Variants in ACAP2 observed in about 807,000 individuals in gnomAD.
The protein encoded by ACAP2 is ArfGAP with coiled-coil, ankyrin repeat and PH domains 2, also known as arf-GAP with coiled-coil, ANK repeat and PH domain-containing protein 2.
Under a neutral mutation model 115.8 loss-of-function variants are expected in ACAP2, and 39 were observed. That is an observed-to-expected ratio of 0.34 (90% CI 0.26 to 0.44). ACAP2 has a LOEUF of 0.44. Among genes scored for constraint, ACAP2 ranks in the 20% least tolerant of loss-of-function variants. The pLI is 1.00. For synonymous variants in ACAP2, 289 were observed against 315.8 expected, an observed-to-expected ratio of 0.92 and a Z score of 0.90; for missense variants, 662 against 927.6, an observed-to-expected ratio of 0.71 and a Z score of 3.72.
chr3:195,331,824 T>G (rs1730187838), intron 8 of ACAP2, among the ~76,000 whole-genome samples: 1 of 152,212 alleles, frequency 6.6e-6, no homozygotes, highest in African/African-American at 2.4e-5. Flanking sequence ...AAAATTTGTA[T>G]GTATATGTAT....
intron 10 of ACAP2, among the ~76,000 whole-genome samples, chr3:195,318,957 A>G (rs1183493981): frequency 6.6e-6 from 1 of 152,184 alleles, no homozygotes; most frequent in Non-Finnish European, 1.5e-5. Context: ...CTAGGAGGGA[A>G]AAAATAGTAT....
rs184390038 is a variant in ACAP2, at chr3:195,398,910, C to T, written c.54-6763G>A. On this transcript the variant is annotated intron_variant, in intron 1 of 22. Transcript: ENST00000326793. ...ATTTTAGTCTGTCAACTCATACGAG[C>T]CCCTGAGAAAATCATTTAATCACAC... Among the ~76,000 whole-genome samples the T allele has an allele frequency of 1.9e-3, 290 of 152,226 alleles. 4 individuals carry two copies. Among genetic ancestry groups the T allele is most frequent in the African/African-American group, 4.5e-3 (185 of 41,536 alleles).
chr3:195,308,824 T>A lies in ACAP2; in HGVS notation c.871A>T (p.Ile291Leu). ...TGGTAAACCAACTGATTATTCTGTA[T>A]TGAAAACCAGCGCCTACAGAAACAC... ...FKTWNRRWFS[I>L]QNNQLVYQKK... Residue 291 changes from isoleucine (I) to leucine (L), a missense_variant, in exon 11 of 23, where the codon ATA (isoleucine) becomes TTA (leucine). This residue lies in a region of ACAP2 where 401 missense variants were observed against 604.4 expected (regional missense o/e 0.66). Transcript: ENST00000326793. 6.2e-7 allele frequency: 1 copy of A among 1,609,616 alleles called. No individual in the cohort carries two copies. The highest frequency in any genetic ancestry group is 8.5e-7 in the Non-Finnish European group (1 of 1,178,798).
At chr3:195,304,971 T>G (rs1347557459) in intron 13 of ACAP2, among the ~76,000 whole-genome samples, 2 of 152,236 alleles carry the variant, frequency 1.3e-5, no homozygotes, top group African/African-American at 4.8e-5. Flanking sequence ...GTGAAAGTAC[T>G]GATGCCCAAC....
intron 8 of ACAP2, among the ~76,000 whole-genome samples, chr3:195,329,715 A>G (rs931888657): frequency 7.9e-5 from 12 of 152,160 alleles, no homozygotes; most frequent in Non-Finnish European, 1.5e-4. Flanking sequence ...TTGCTGCTAA[A>G]TCCAACAGGT....
chr3:195,398,517 AT>A (rs1030249201), intron 1 of ACAP2, among the ~76,000 whole-genome samples: 6 of 151,982 alleles, frequency 3.9e-5, no homozygotes, highest in African/African-American at 1.4e-4. Flanking sequence ...CATGCCTGTA[AT>A]CCCCGCTACT....
chr3:195,404,401 G>A (rs1474723353), intron 1 of ACAP2, among the ~76,000 whole-genome samples: 1 of 151,992 alleles, frequency 6.6e-6, no homozygotes, highest in Non-Finnish European at 1.5e-5. Flanking sequence ...GTGCTTCTAA[G>A]GAAGAGATAA....
At position 195,427,374 on chromosome 3, in the gene ACAP2, T is replaced by C. The variant is rs188306542; in HGVS notation, c.53+15421A>G. ...CCACTAAGTTTGGGGTAATTTGCTA[T>C]AACGGCAATAAAAAGCTAGTCATCC... On this transcript the variant is annotated intron_variant, in intron 1 of 22. Transcript: ENST00000326793. 2.8e-3 allele frequency among the ~76,000 whole-genome samples: 431 copies of C among 152,108 alleles called. 1 individual carries two copies. The highest frequency in any genetic ancestry group is 6.8e-3 in the Middle Eastern group (2 of 294).
chr3:195,427,154 G>A (rs6778652), intron 1 of ACAP2, among the ~76,000 whole-genome samples: 34,038 of 151,996 alleles, frequency 0.22, 4,671 homozygotes, highest in East Asian at 0.71. Context: ...ATGGAAAGGG[G>A]CCATGAGCCA....
rs866128473 is a variant in ACAP2 at position 195,317,073 on chromosome 3, T to C, written c.857+3628A>G. ...CCACCACGCCAGGCTAATTTTTGTA[T>C]TTTTAGTAGAGATGGGGTTTCACCA... On this transcript the variant is annotated intron_variant, in intron 10 of 22. Coordinates refer to ENST00000326793, the MANE Select transcript of ACAP2 (RefSeq NM_012287.6). Among the ~76,000 whole-genome samples, 58 of 151,828 alleles carry C rather than the reference T, an allele frequency of 3.8e-4. No homozygotes were observed. The Middle Eastern group carries it at 0.017, about 45-fold the overall frequency.
intron 2 of ACAP2, among the ~76,000 whole-genome samples, chr3:195,385,811 C>A (rs1163362356): frequency 6.6e-6 from 1 of 152,084 alleles, no homozygotes; most frequent in Non-Finnish European, 1.5e-5. Flanking sequence ...GTTTTATAGG[C>A]CAGATACGGG....
chr3:195,362,477 A>C (rs1732437980), intron 4 of ACAP2, among the ~76,000 whole-genome samples: 1 of 152,144 alleles, frequency 6.6e-6, no homozygotes, highest in South Asian at 2.1e-4. Context: ...TCATTCTATG[A>C]GGCCAGTTAT....
Position 195,442,794 on chromosome 3 carries a change from C to T in ACAP2, c.53+1G>A. 2 of 1,528,830 alleles carry T rather than the reference C, an allele frequency of 1.3e-6. No individual in the cohort carries two copies. Among genetic ancestry groups the T allele is most frequent in the Non-Finnish European group, 1.8e-6 (2 of 1,138,108 alleles). 94.7% of individuals were successfully genotyped at this position (1,528,830 alleles called of 1,614,324 possible). A position where few individuals can be genotyped will look rare whatever the true frequency, so the allele number is the denominator to read the frequency against. On this transcript the variant is annotated splice_donor_variant, in intron 1 of 22. Transcript: ENST00000326793. LOFTEE classifies it high-confidence loss of function. ...TGACGCCGGGCGGCCGTGCCGGTTA[C>T]CTGAAGCGGGGCGAGTCCTTCAGAC... is the stretch of plus-strand genomic sequence containing the variant.
At chr3:195,283,221 T>C (rs1726621167) in intron 22 of ACAP2, among the ~76,000 whole-genome samples, 1 of 152,136 alleles carries the variant, frequency 6.6e-6, no homozygotes, top group Non-Finnish European at 1.5e-5. Context: ...AAGAGTGTGC[T>C]GTTTCCCTCA....
intron 1 of ACAP2, among the ~76,000 whole-genome samples, chr3:195,418,874 A>AT (rs1560350958): frequency 6.6e-6 from 1 of 152,232 alleles, no homozygotes; most frequent in East Asian, 1.9e-4. Flanking sequence ...ACTGTCCTAC[A>AT]TAAGTGTTTT....
At chr3:195,339,210 G>C (rs372930541) in intron 6 of ACAP2, among the ~76,000 whole-genome samples, 1 of 152,042 alleles carries the variant, frequency 6.6e-6, no homozygotes, top group East Asian at 1.9e-4. Context: ...CAGCCTGGGC[G>C]ACACAGCAAG....
intron 1 of ACAP2, among the ~76,000 whole-genome samples, chr3:195,439,369 GTGTCTCACTT>G (rs1434403137): frequency 6.6e-6 from 1 of 151,806 alleles, no homozygotes; most frequent in Admixed American, 6.6e-5. Context: ...TGTAGAGACG[GTGTCTCACTT>G]TGTTGCCCAG....
intron 6 of ACAP2, among the ~76,000 whole-genome samples, chr3:195,339,912 G>C (rs1201607847): frequency 6.6e-6 from 1 of 151,768 alleles, no homozygotes; most frequent in Non-Finnish European, 1.5e-5. Context: ...ATACAATCTA[G>C]AAATAGAAAA....
At chr3:195,355,010 T>C (rs1731861308) in intron 4 of ACAP2, among the ~76,000 whole-genome samples, 1 of 152,138 alleles carries the variant, frequency 6.6e-6, no homozygotes. Flanking sequence ...ACTACAGGCA[T>C]GTGCCACCAT....
Sources: gnomAD v4.1 joint callset for allele counts (sites outside exome capture counted in the v4.1 genomes callset) on GRCh38, gnomAD v4.1.1 for gene constraint, gnomAD v4.1.1 regional missense constraint, MANE v1.5 for transcripts, NCBI Gene and HGNC (gene_info 2026-07-23, HGNC 2026-07-21) for gene names.